The following OPCML variants were observed in gnomAD, a reference collection of about 807,000 sequenced individuals.
OPCML encodes opioid binding protein/cell adhesion molecule like, also known as opioid-binding protein/cell adhesion molecule.
OPCML carries 13 observed loss-of-function variants against 37.8 expected under a neutral mutation model. The ratio of observed to expected loss-of-function variants is 0.34; its 90% CI spans 0.22 to 0.55. OPCML has a LOEUF of 0.55. OPCML is among the 20% of genes least tolerant of loss of function. OPCML has a pLI of 0.91. For missense variants in OPCML, 341 were observed against 435.6 expected, an observed-to-expected ratio of 0.78 and a Z score of 1.93; for synonymous variants, 176 against 168.8, an observed-to-expected ratio of 1.04 and a Z score of -0.33.
chr11:133,415,038 G>A (rs571037154), intron 1 of OPCML, among the ~76,000 whole-genome samples: 4 of 152,292 alleles, frequency 2.6e-5, no homozygotes, highest in East Asian at 3.9e-4. Flanking sequence ...TAAGTACTGA[G>A]AGAGATGTGA....
At chr11:133,103,502 C>A (rs990548742) in intron 1 of OPCML, among the ~76,000 whole-genome samples, 1 of 152,102 alleles carries the variant, frequency 6.6e-6, no homozygotes, top group Non-Finnish European at 1.5e-5. Flanking sequence ...GAGGGCCAGG[C>A]ATGGAGGTGT....
rs1947240173 is a variant in OPCML, at chr11:133,012,618, G to A, written c.62-69608C>T. On this transcript the variant is annotated intron_variant, in intron 1 of 7. Coordinates refer to ENST00000524381, the MANE Select transcript of OPCML (RefSeq NM_001012393.5). Reference sequence around the variant, plus strand: ...GGGCCGGACACGGTGGCTCACACCTGTAATCCCAGCACTTTGGGAGGCCGA... The same window carrying A: ...GGGCCGGACACGGTGGCTCACACCTATAATCCCAGCACTTTGGGAGGCCGA... 1.3e-5 allele frequency among the ~76,000 whole-genome samples: 2 copies of A among 152,174 alleles called. 1 individual carries two copies. The highest frequency in any genetic ancestry group is 4.1e-4 in the South Asian group (2 of 4,830).
At chr11:132,834,032 TA>T (rs1162921158) in intron 2 of OPCML, among the ~76,000 whole-genome samples, 1 of 152,220 alleles carries the variant, frequency 6.6e-6, no homozygotes, top group Non-Finnish European at 1.5e-5. Flanking sequence ...AATTTTTGAG[TA>T]AAGATTATGA....
intron 1 of OPCML, among the ~76,000 whole-genome samples, chr11:132,994,444 C>A (rs965741915): frequency 6.8e-4 from 103 of 152,282 alleles, no homozygotes; most frequent in African/African-American, 2.4e-3. Flanking sequence ...CTGCTGGGGG[C>A]TCGCCGTGCA....
chr11:133,318,967 C>T (rs1041840625), intron 1 of OPCML, among the ~76,000 whole-genome samples: 2 of 151,866 alleles, frequency 1.3e-5, no homozygotes, highest in African/African-American at 2.4e-5. Context: ...ACAGAGGTTG[C>T]AGTGAGCCGA....
At chr11:132,754,834 G>A (rs1335400602) in intron 2 of OPCML, among the ~76,000 whole-genome samples, 1 of 152,170 alleles carries the variant, frequency 6.6e-6, no homozygotes, top group Non-Finnish European at 1.5e-5. Context: ...CATTGGAAAT[G>A]ACTTGGCTAG....
At chr11:132,588,517 T>C (rs2096477960) in intron 3 of OPCML, among the ~76,000 whole-genome samples, 1 of 152,180 alleles carries the variant, frequency 6.6e-6, no homozygotes, top group Non-Finnish European at 1.5e-5. Context: ...TTTGAACAGC[T>C]GTTCCTAGAT....
chr11:132,812,190 G>T (rs1939387288), intron 2 of OPCML, among the ~76,000 whole-genome samples: 1 of 152,132 alleles, frequency 6.6e-6, no homozygotes, highest in Non-Finnish European at 1.5e-5. Flanking sequence ...GCCCTTCCCT[G>T]AGTGGCCAGG....
chr11:133,234,216 T>C (rs1940412580), intron 1 of OPCML, among the ~76,000 whole-genome samples: 1 of 151,916 alleles, frequency 6.6e-6, no homozygotes, highest in South Asian at 2.1e-4. Context: ...TTGTTTTGTT[T>C]TCTAAAAAAA....
At chr11:133,352,478 A>G (rs574086539) in intron 1 of OPCML, among the ~76,000 whole-genome samples, 1 of 152,342 alleles carries the variant, frequency 6.6e-6, no homozygotes, top group East Asian at 1.9e-4. Flanking sequence ...CACCATCAGC[A>G]ACTTTTTGTA....
chr11:132,797,077 A>G (rs569729759), intron 2 of OPCML, among the ~76,000 whole-genome samples: 1 of 152,210 alleles, frequency 6.6e-6, no homozygotes, highest in African/African-American at 2.4e-5. Context: ...CCTTTTTAAT[A>G]GTTGTCCTTT....
chr11:132,518,136 G>A (rs957025016), intron 4 of OPCML, among the ~76,000 whole-genome samples: 1 of 152,136 alleles, frequency 6.6e-6, no homozygotes, highest in Non-Finnish European at 1.5e-5. Flanking sequence ...AGGTATACAT[G>A]TGCCATAGTT....
chr11:132,604,879 G>A (rs1938172229), intron 3 of OPCML, among the ~76,000 whole-genome samples: 1 of 152,170 alleles, frequency 6.6e-6, no homozygotes, highest in Non-Finnish European at 1.5e-5. Context: ...CAAAATGTAA[G>A]CATACAATCA....
intron 2 of OPCML, among the ~76,000 whole-genome samples, chr11:132,763,721 C>T (rs1210745929): frequency 6.6e-6 from 1 of 152,168 alleles, no homozygotes; most frequent in African/African-American, 2.4e-5. Context: ...TTCTGTGTGG[C>T]AGAGCCCTGG....
chr11:132,651,423 A>C (rs1426885912), intron 3 of OPCML, among the ~76,000 whole-genome samples: 1 of 152,330 alleles, frequency 6.6e-6, no homozygotes, highest in Non-Finnish European at 1.5e-5. Flanking sequence ...AACTGTTTGT[A>C]TTTTGATAAC....
Position 133,117,759 on chromosome 11 carries a change from G to A in OPCML, c.62-174749C>T, listed in dbSNP as rs147058113. 209 of 973,492 alleles carry A rather than the reference G, an allele frequency of 2.1e-4. 1 individual carries two copies. In the Admixed American group the frequency reaches 4.4e-3, roughly 21 times the overall value. The allele number at this position is 973,492 out of a possible 1,614,324, so 60.3% of individuals were successfully genotyped here. A position where few individuals can be genotyped will look rare whatever the true frequency, so the allele number is the denominator to read the frequency against. ...ATGAAAATGAAAGTAATGTACAATT[G>A]CAATGGAATACTAAGCAAGAGAAAG... On this transcript the variant is annotated intron_variant, in intron 1 of 7. Transcript: ENST00000524381.
intron 2 of OPCML, among the ~76,000 whole-genome samples, chr11:132,941,799 C>A (rs1238461237): frequency 2.0e-5 from 3 of 152,198 alleles, no homozygotes; most frequent in Non-Finnish European, 4.4e-5. Context: ...AATCTTCACC[C>A]TTGGGCTTAG....
At chr11:132,720,391 A>T (rs1944635644) in intron 2 of OPCML, among the ~76,000 whole-genome samples, 1 of 152,244 alleles carries the variant, frequency 6.6e-6, no homozygotes, top group African/African-American at 2.4e-5. Flanking sequence ...CTGACTACTT[A>T]GTGCAAGGAA....
At chr11:132,904,938 C>T (rs948981409) in intron 2 of OPCML, among the ~76,000 whole-genome samples, 1 of 152,212 alleles carries the variant, frequency 6.6e-6, no homozygotes, top group Admixed American at 6.5e-5. Context: ...CGAAATGTTT[C>T]AGAGACCCCA....
Sources: allele counts gnomAD v4.1 joint callset (sites outside exome capture counted in the v4.1 genomes callset), GRCh38; gene constraint gnomAD v4.1.1; transcripts MANE v1.5; gene names NCBI Gene and HGNC (gene_info 2026-07-23, HGNC 2026-07-21).